MAB21L3: variants seen among roughly 807,000 people sequenced by gnomAD.
MAB21L3 encodes the protein mab-21 like 3, also known as protein mab-21-like 3.
In MAB21L3, 36 loss-of-function variants were observed where a neutral mutation model predicts 37.7. The ratio of observed to expected loss-of-function variants is 0.96; its 90% CI spans 0.73 to 1.26. MAB21L3 has a LOEUF of 1.26. Ranked by LOEUF, MAB21L3 falls within the 50% of genes most tolerant of loss-of-function variation. MAB21L3 has a pLI of 0.00. For missense variants in MAB21L3, 430 were observed against 447.3 expected (o/e 0.96, Z 0.35); for synonymous variants, 186 against 176.8 (o/e 1.05, Z -0.41).
intron 5 of MAB21L3, among the ~76,000 whole-genome samples, chr1:116,126,609 A>G (rs984019125): frequency 2.6e-5 from 4 of 152,222 alleles, no homozygotes; most frequent in Non-Finnish European, 5.9e-5. Context: ...AAGGAGGCTG[A>G]TGCTGTCCCT....
chr1:116,112,331 G>T (rs1659444510), intron 2 of MAB21L3, 76 bp from the exon 3 acceptor site: 1 of 308,506 alleles, frequency 3.2e-6, no homozygotes, highest in South Asian at 5.0e-5. Flanking sequence ...GCTAACTAAG[G>T]TATGATTAGG....
At chr1:116,129,058 T>C (rs1659992310) in intron 7 of MAB21L3, among the ~76,000 whole-genome samples, 1 of 152,134 alleles carries the variant, frequency 6.6e-6, no homozygotes, top group Non-Finnish European at 1.5e-5. Flanking sequence ...GGCACAAAGG[T>C]GAACAGACAC....
intron 3 of MAB21L3, among the ~76,000 whole-genome samples, chr1:116,115,844 C>T (rs1009157048): frequency 6.6e-6 from 1 of 152,062 alleles, no homozygotes; most frequent in African/African-American, 2.4e-5. Context: ...GGAAAGCAGC[C>T]CAAGATGGGA....
At chr1:116,128,590 C>T (rs72689491) in intron 7 of MAB21L3, among the ~76,000 whole-genome samples, 9,605 of 152,228 alleles carry the variant, frequency 0.063, 344 homozygotes, top group Middle Eastern at 0.088. Flanking sequence ...CTTCCCTTTT[C>T]CAATTCTCTT....
intron 7 of MAB21L3, among the ~76,000 whole-genome samples, chr1:116,130,886 C>A (rs1310643672): frequency 1.3e-5 from 2 of 152,136 alleles, no homozygotes; most frequent in Non-Finnish European, 2.9e-5. Flanking sequence ...AGGTTATCTT[C>A]GCTTGCATGA....
At chr1:116,125,780 T>C (rs575915939) in intron 5 of MAB21L3, among the ~76,000 whole-genome samples, 300 of 146,246 alleles carry the variant, frequency 2.1e-3, no homozygotes, top group African/African-American at 7.9e-3. Flanking sequence ...CCTACCTGTT[T>C]TAGAGATGAG....
In MAB21L3 at chr1:116,117,758, TC is replaced by T. The variant is rs573732588; in HGVS notation, c.49-3173del. 4.5e-4 allele frequency among the ~76,000 whole-genome samples: 68 copies of T among 152,344 alleles called. 1 individual carries two copies. In the South Asian group the frequency reaches 6.2e-3, roughly 14 times the overall value. On this transcript the variant is annotated intron_variant, in intron 3 of 7. Coordinates refer to ENST00000369500, the MANE Select transcript of MAB21L3 (RefSeq NM_152367.3). ...TCTTGCCTTCCACTTCACTCTTAGC[TC>T]ATTAACATCTCCCACTCTATAAAGA... is the stretch of plus-strand genomic sequence containing the variant.
At chr1:116,117,719 T>C (rs992899856) in intron 3 of MAB21L3, among the ~76,000 whole-genome samples, 2 of 152,208 alleles carry the variant, frequency 1.3e-5, no homozygotes, top group South Asian at 2.1e-4. Flanking sequence ...CTCAGCAGTC[T>C]ATCGCCTGAA....
chr1:116,128,099 T>G, intron 6 of MAB21L3, 46 bp from the exon 7 acceptor site: 186 of 1,564,418 alleles, frequency 1.2e-4, no homozygotes, highest in Non-Finnish European at 1.5e-4. Flanking sequence ...TCTACACCAG[T>G]GAGCATTGTT....
chr1:116,120,431 AAAC>A (rs1659711913), intron 3 of MAB21L3, among the ~76,000 whole-genome samples: 20 of 133,096 alleles, frequency 1.5e-4, no homozygotes, highest in Admixed American at 1.1e-3. Flanking sequence ...ACACACACAC[AAAC>A]ACACACACAC....
Position 116,136,664 on chromosome 1 carries a change from C to T in MAB21L3, c.*3299C>T, listed in dbSNP as rs1280984350. 6.6e-6 allele frequency among the ~76,000 whole-genome samples: 1 copy of T among 152,180 alleles called. No homozygotes were observed. Among genetic ancestry groups the T allele is most frequent in the East Asian group, 1.9e-4 (1 of 5,196 alleles). On this transcript the variant is annotated 3_prime_UTR_variant, in exon 8 of 8. Transcript: ENST00000369500. ...GGAACCAAAAAAGAGCCTGCATTGC[C>T]AAGTCAATTCTAAGCCAAAAGAACA...
chr1:116,119,868 T>C (rs1000365554), intron 3 of MAB21L3, among the ~76,000 whole-genome samples: 6 of 152,204 alleles, frequency 3.9e-5, no homozygotes, highest in Admixed American at 1.3e-4. Flanking sequence ...TCTATGAGAA[T>C]TTCCCAATTC....
intron 2 of MAB21L3, among the ~76,000 whole-genome samples, chr1:116,112,178 G>T (rs1445608890): frequency 1.3e-5 from 2 of 152,128 alleles, no homozygotes; most frequent in African/African-American, 4.8e-5. Context: ...GAGTTCCACG[G>T]TGCATCTAGT....
Position 116,128,268 on chromosome 1 carries a change from G to A in MAB21L3, c.784G>A (p.Val262Ile). Residue 262 changes from valine to isoleucine, a missense_variant, in exon 7 of 8, where the codon GTC becomes ATC. Physicochemically the swap from Val to Ile is conservative, Grantham distance 29 (BLOSUM62 3). Transcript: ENST00000369500. The stretch of plus-strand genomic sequence containing the variant: ...GGGCTGCCGTAGGAAGTGTTTTCAG[G>A]TCATGAGGCACCTGAAGGAGGACAT... ...DGGCRRKCFQ[V>I]MRHLKEDIWC... is the part of the protein sequence containing the mutation. 1.2e-6 allele frequency: 2 copies of A among 1,614,100 alleles called. No homozygotes were observed. The highest frequency in any genetic ancestry group is 2.2e-5 in the East Asian group (1 of 44,880).
intron 3 of MAB21L3, among the ~76,000 whole-genome samples, chr1:116,118,716 TTC>T (rs1659657938): frequency 1.3e-5 from 2 of 152,304 alleles, no homozygotes; most frequent in African/African-American, 4.8e-5. Flanking sequence ...GGAGCACAAA[TTC>T]TCTCTTTGTG....
chr1:116,123,210 G>A (rs927229566), intron 4 of MAB21L3, among the ~76,000 whole-genome samples: 2 of 152,280 alleles, frequency 1.3e-5, no homozygotes, highest in South Asian at 2.1e-4. Context: ...CTCGGCTGCC[G>A]GTCTGCCTGC....
In MAB21L3 at chr1:116,133,930, G is replaced by A. The variant is rs541535037; in HGVS notation, c.*565G>A. The A allele has an allele frequency of 7.6e-5, 12 of 158,768 alleles. No individual in the cohort carries two copies. Among genetic ancestry groups the A allele is most frequent in the South Asian group, 1.9e-4 (1 of 5,370 alleles). 9.8% of individuals were successfully genotyped at this position (158,768 alleles called of 1,614,324 possible). On this transcript the variant is annotated 3_prime_UTR_variant, in exon 8 of 8. Transcript: ENST00000369500. ...GTAGCTGGTGTTTGCATCCTGGATC[G>A]GTACCCACAGCACTGACGCAAAATT...
In MAB21L3 at chr1:116,120,917, C is replaced by T; in HGVS notation, c.49-15C>T. On this transcript the variant is annotated splice_polypyrimidine_tract_variant and intron_variant, in intron 3 of 7. Coordinates refer to ENST00000369500, the MANE Select transcript of MAB21L3 (RefSeq NM_152367.3). ...AGAGGAAATAACCACCATTGCTGGT[C>T]CCTCTCACACCCAGGTGGACTTGAG... 6.2e-7 allele frequency: 1 copy of T among 1,613,410 alleles called. No individual in the cohort carries two copies. Among genetic ancestry groups the T allele is most frequent in the Non-Finnish European group, 8.5e-7 (1 of 1,179,670 alleles).
intron 5 of MAB21L3, among the ~76,000 whole-genome samples, chr1:116,124,980 A>G (rs1659861813): frequency 6.6e-6 from 1 of 151,980 alleles, no homozygotes; most frequent in Non-Finnish European, 1.5e-5. Flanking sequence ...TTAATTTATA[A>G]ATCAATAAGA....
Sources: allele counts gnomAD v4.1 joint callset (sites outside exome capture counted in the v4.1 genomes callset), GRCh38; gene constraint gnomAD v4.1.1; transcripts MANE v1.5; gene names NCBI Gene and HGNC (gene_info 2026-07-23, HGNC 2026-07-21).